NT5C1A: variants seen among roughly 807,000 people sequenced by gnomAD.
NT5C1A encodes 5'-nucleotidase, cytosolic IA.
A neutral mutation model predicts 31.0 loss-of-function variants in NT5C1A; 18 were observed. The ratio of observed to expected loss-of-function variants is 0.58; its 90% CI spans 0.40 to 0.86. The LOEUF (loss-of-function observed/expected upper bound fraction) is 0.86. NT5C1A is among the 40% of genes least tolerant of loss of function. The pLI, the probability that NT5C1A is intolerant of heterozygous loss-of-function variation, is 0.00. For missense variants in NT5C1A, 470 were observed against 505.4 expected (o/e 0.93, Z 0.67); for synonymous variants, 185 against 203.6 (o/e 0.91, Z 0.78).
At position 39,655,072 on chromosome 1, in the gene NT5C1A, G is replaced by T. The variant is rs1646452986; in HGVS notation, c.*4049C>A. On this transcript the variant is annotated 3_prime_UTR_variant, in exon 6 of 6. Transcript: ENST00000235628. The stretch of plus-strand genomic sequence containing the variant: ...TCCTCCTGCCTCAGCCTCCCGAGTA[G>T]CTGGGACTACAGGCGTGCACCACCA... Among the ~76,000 whole-genome samples the T allele has an allele frequency of 6.6e-6, 1 of 152,176 alleles. No homozygotes were observed. Among genetic ancestry groups the T allele is most frequent in the South Asian group, 2.1e-4 (1 of 4,830 alleles).
intron 4 of NT5C1A, among the ~76,000 whole-genome samples, chr1:39,661,696 C>G (rs1274876244): frequency 6.6e-6 from 1 of 152,206 alleles, no homozygotes; most frequent in African/African-American, 2.4e-5. Context: ...CCTCACAGCC[C>G]CTGATGTAGA....
In NT5C1A at chr1:39,665,596, C is replaced by G. The variant is rs575345040; in HGVS notation, c.358G>C (p.Val120Leu). ...LRELYPDSED[V>L]FDIVLMTNNH... ...TTAGTCATGAGGACGATGTCGAAGACGTCCTCACTATCAGGGTACAGCTCC... is the reference window on the plus strand; with the variant it reads ...TTAGTCATGAGGACGATGTCGAAGAGGTCCTCACTATCAGGGTACAGCTCC... Residue 120 changes from valine (V) to leucine (L), a missense_variant, in exon 3 of 6, where the codon GTC becomes CTC. By Grantham distance (32) the Val-to-Leu change is conservative. Transcript: ENST00000235628. The G allele has an allele frequency of 6.2e-7, 1 of 1,613,440 alleles. No homozygotes were observed. The highest frequency in any genetic ancestry group is 8.5e-7 in the Non-Finnish European group (1 of 1,179,928).
Position 39,661,074 on chromosome 1 carries a change from A to G in NT5C1A, c.741+5T>C. 1.3e-6 allele frequency: 2 copies of G among 1,559,350 alleles called. No individual in the cohort carries two copies. The highest frequency in any genetic ancestry group is 3.4e-5 in the Admixed American group (2 of 59,338). ...TCTCAGGGGTTCTGGGTCTATGGGGAGCACCTGAGCCAGAGGTTTGTTCTC... is the reference window on the plus strand; with the variant it reads ...TCTCAGGGGTTCTGGGTCTATGGGGGGCACCTGAGCCAGAGGTTTGTTCTC... On this transcript the variant is annotated splice_donor_5th_base_variant and intron_variant, in intron 5 of 5. Transcript: ENST00000235628.
At chr1:39,661,359 A>G (rs958020187) in intron 4 of NT5C1A, 96 bp from the exon 5 acceptor site, 9 of 609,952 alleles carry the variant, frequency 1.5e-5, no homozygotes, top group Non-Finnish European at 2.7e-5. Flanking sequence ...TGCCTCATAC[A>G]GGACTCAGGG....
chr1:39,663,470 G>C, intron 3 of NT5C1A, 36 bp from the exon 4 acceptor site: 1 of 1,612,012 alleles, frequency 6.2e-7, no homozygotes, highest in Non-Finnish European at 8.5e-7. Context: ...TGAGGCCAGG[G>C]TCAACCCTGG....
chr1:39,659,141 G>T lies in NT5C1A; in HGVS notation c.1087C>A (p.Gln363Lys). The change falls in exon 6 of 6, where the codon CAG becomes AAG. Residue 363 changes from glutamine to lysine, a missense_variant. By Grantham distance (53) the Gln-to-Lys change is moderately conservative. Coordinates refer to ENST00000235628, the MANE Select transcript of NT5C1A (RefSeq NM_032526.3). ...QTPRRTAPAK[Q>K]APSAQ ...TTCAGCTACTGTGCAGATGGGGCCT[G>T]CTTTGCAGGTGCAGTCCGCCGGGGT... 1 of 1,606,692 alleles carries T rather than the reference G, an allele frequency of 6.2e-7. No homozygotes were observed. Among genetic ancestry groups the T allele is most frequent in the Non-Finnish European group, 8.5e-7 (1 of 1,175,262 alleles).
In NT5C1A at chr1:39,654,052, G is replaced by C. The variant is rs1646447869; in HGVS notation, c.*5069C>G. The stretch of plus-strand genomic sequence containing the variant: ...CTTAGTGGAGAAGAGTATCATGATG[G>C]CATAGCGACAGCAATGATGGCTGTA... On this transcript the variant is annotated 3_prime_UTR_variant, in exon 6 of 6. Coordinates refer to ENST00000235628, the MANE Select transcript of NT5C1A (RefSeq NM_032526.3). Among the ~76,000 whole-genome samples the C allele has an allele frequency of 1.3e-5, 2 of 152,202 alleles. No individual in the cohort carries two copies. Among genetic ancestry groups the C allele is most frequent in the South Asian group, 4.1e-4 (2 of 4,832 alleles).
rs950002262 is a variant in NT5C1A at position 39,651,506 on chromosome 1, C to G, written c.*7615G>C. Among the ~76,000 whole-genome samples the G allele has an allele frequency of 6.6e-5, 10 of 152,310 alleles. No homozygotes were observed. Among genetic ancestry groups the G allele is most frequent in the African/African-American group, 2.4e-4 (10 of 41,566 alleles). On this transcript the variant is annotated 3_prime_UTR_variant, in exon 6 of 6. Coordinates refer to ENST00000235628, the MANE Select transcript of NT5C1A (RefSeq NM_032526.3). ...TCACAAAGACGAAGAAACACATGCT[C>G]TAACCATTTACGGAGGCACTTAGGT...
Position 39,654,207 on chromosome 1 carries a change from C to T in NT5C1A, c.*4914G>A, listed in dbSNP as rs1464366677. Among the ~76,000 whole-genome samples, 3 of 152,074 alleles carry T rather than the reference C, an allele frequency of 2.0e-5. No individual in the cohort carries two copies. Among genetic ancestry groups the T allele is most frequent in the Non-Finnish European group, 4.4e-5 (3 of 68,036 alleles). ...ATGAGGGGTATTTGTGTTTATTGCTCACGTGCCTTCATGCCACAAGAAACT... is the reference window on the plus strand; with the variant it reads ...ATGAGGGGTATTTGTGTTTATTGCTTACGTGCCTTCATGCCACAAGAAACT... On this transcript the variant is annotated 3_prime_UTR_variant, in exon 6 of 6. Transcript: ENST00000235628.
At chr1:39,669,892 G>A (rs1646541525) in intron 1 of NT5C1A, among the ~76,000 whole-genome samples, 1 of 152,092 alleles carries the variant, frequency 6.6e-6, no homozygotes, top group Non-Finnish European at 1.5e-5. Flanking sequence ...AAATAAAAAT[G>A]GGACCCAGTT....
chr1:39,672,020 G>T lies in NT5C1A; in HGVS notation c.19C>A (p.Arg7=). 6.2e-7 allele frequency: 1 copy of T among 1,602,942 alleles called. No homozygotes were observed. The change falls in exon 1 of 6, where the codon CGG becomes AGG. Residue 7 remains arginine, a synonymous_variant. Coordinates refer to ENST00000235628, the MANE Select transcript of NT5C1A (RefSeq NM_032526.3). Reference sequence around the variant, plus strand: ...GGCTCGCGGGGCTCCTGGGGCTCCCGGGGCTGCCCAGGTTCCATGCTCCGG... The same window carrying T: ...GGCTCGCGGGGCTCCTGGGGCTCCCTGGGCTGCCCAGGTTCCATGCTCCGG... MEPGQP[R]EPQEPREPGP... is the part of the protein sequence containing the mutation.
rs991029592 is a variant in NT5C1A, at chr1:39,657,677, A to C, written c.*1444T>G. On this transcript the variant is annotated 3_prime_UTR_variant, in exon 6 of 6. Coordinates refer to ENST00000235628, the MANE Select transcript of NT5C1A (RefSeq NM_032526.3). Reference sequence around the variant, plus strand: ...AGTTCTCCTCTGAAAGTGGTGAAGAAGGGGCCGCAGGGGCTCTTGCAAATG... The same window carrying C: ...AGTTCTCCTCTGAAAGTGGTGAAGACGGGGCCGCAGGGGCTCTTGCAAATG... Among the ~76,000 whole-genome samples, 6 of 152,322 alleles carry C rather than the reference A, an allele frequency of 3.9e-5. No homozygotes were observed. Among genetic ancestry groups the C allele is most frequent in the African/African-American group, 1.2e-4 (5 of 41,574 alleles).
chr1:39,671,592 CCAA>C (rs1646552393), intron 1 of NT5C1A, among the ~76,000 whole-genome samples: 1 of 152,178 alleles, frequency 6.6e-6, no homozygotes, highest in Admixed American at 6.6e-5. Context: ...ACCAGCTTCG[CCAA>C]CAAGTGCAAT....
rs752253932 is a variant in NT5C1A at position 39,660,686 on chromosome 1, G to C, written c.741+393C>G. Among the ~76,000 whole-genome samples the C allele has an allele frequency of 2.0e-5, 3 of 152,194 alleles. No homozygotes were observed. In the East Asian group the frequency reaches 5.8e-4, roughly 29 times the overall value. On this transcript the variant is annotated intron_variant, in intron 5 of 5. Coordinates refer to ENST00000235628, the MANE Select transcript of NT5C1A (RefSeq NM_032526.3). Reference sequence around the variant, plus strand: ...AAGTGAGGGTTCCAGAGAGAGAATGGGAGCTTCAGAGAGACAGGATGAGGC... The same window carrying C: ...AAGTGAGGGTTCCAGAGAGAGAATGCGAGCTTCAGAGAGACAGGATGAGGC...
intron 5 of NT5C1A, 129 bp downstream of exon 5, chr1:39,660,949 GT>G (rs1646490065): frequency 1.6e-6 from 1 of 608,454 alleles, no homozygotes; most frequent in African/African-American, 1.8e-5. Flanking sequence ...AAGTGAGAGG[GT>G]CGAGGGGACC....
chr1:39,668,704 C>T (rs1046670182), intron 1 of NT5C1A, among the ~76,000 whole-genome samples: 1 of 152,228 alleles, frequency 6.6e-6, no homozygotes. Context: ...AAACATCTCC[C>T]CCAGCCTTCA....
rs1444641053 is a variant in NT5C1A at position 39,655,002 on chromosome 1, C to A, written c.*4119G>T. On this transcript the variant is annotated 3_prime_UTR_variant, in exon 6 of 6. Coordinates refer to ENST00000235628, the MANE Select transcript of NT5C1A (RefSeq NM_032526.3). The stretch of plus-strand genomic sequence containing the variant: ...CTGATGCCAGGCTGGAGTGCAGTGG[C>A]GTGATCTCGGTTCACTGCAACCTCC... 6.6e-6 allele frequency among the ~76,000 whole-genome samples: 1 copy of A among 151,892 alleles called. No individual in the cohort carries two copies. The highest frequency in any genetic ancestry group is 1.5e-5 in the Non-Finnish European group (1 of 67,992).
rs529579817 is a variant in NT5C1A, at chr1:39,665,339, G to A, written c.433+182C>T. Among the ~76,000 whole-genome samples the A allele has an allele frequency of 2.0e-5, 3 of 152,314 alleles. No individual in the cohort carries two copies. In the East Asian group the frequency reaches 5.8e-4, roughly 29 times the overall value. ...GTCCTGGTGGAAATATTTTACACCTGAAAACTAGCAACACTACAAGTCAGG... is the reference window on the plus strand; with the variant it reads ...GTCCTGGTGGAAATATTTTACACCTAAAAACTAGCAACACTACAAGTCAGG... On this transcript the variant is annotated intron_variant, in intron 3 of 5. Coordinates refer to ENST00000235628, the MANE Select transcript of NT5C1A (RefSeq NM_032526.3).
Position 39,661,184 on chromosome 1 carries a change from C to G in NT5C1A, c.636G>C (p.Gly212=), listed in dbSNP as rs1269410205. Residue 212 remains glycine, a synonymous_variant, in exon 5 of 6, where the codon GGG becomes GGC. Coordinates refer to ENST00000235628, the MANE Select transcript of NT5C1A (RefSeq NM_032526.3). ...ACTCGTCCGAGAAGAGCACGGCGTC[C>G]CCATCGAAGGCCACGCGCAGCTGAC... ...SQSQLRVAFD[G]DAVLFSDESE... is the part of the protein sequence containing the mutation. 4.5e-5 allele frequency: 72 copies of G among 1,599,972 alleles called. 1 individual carries two copies. The Admixed American group carries it at 1.2e-3, about 26-fold the overall frequency.
Sources: gnomAD v4.1 joint callset for allele counts (sites outside exome capture counted in the v4.1 genomes callset) on GRCh38, gnomAD v4.1.1 for gene constraint, MANE v1.5 for transcripts, NCBI Gene and HGNC (gene_info 2026-07-23, HGNC 2026-07-21) for gene names.